Variants in GCNT3 observed in about 807,000 individuals in gnomAD.
GCNT3 encodes the protein glucosaminyl (N-acetyl) transferase 3, mucin type.
For synonymous variants in GCNT3, 269 were observed against 195.2 expected (o/e 1.38, Z -3.15); for missense variants, 708 against 530.3 (o/e 1.34, Z -3.29).
Position 59,612,725 on chromosome 15 carries a change from T to C in GCNT3, c.-251+744T>C, listed in dbSNP as rs572221007. 8.5e-5 allele frequency among the ~76,000 whole-genome samples: 13 copies of C among 152,278 alleles called. No homozygotes were observed. In the South Asian group the frequency reaches 2.7e-3, roughly 32 times the overall value. The stretch of plus-strand genomic sequence containing the variant: ...GGAAGCTGCTGGCCATCTTTCTGAA[T>C]GCTTGCCTGATCTCTGCAGGTTGCC... On this transcript the variant is annotated intron_variant, in intron 1 of 2. Coordinates refer to ENST00000396065, the MANE Select transcript of GCNT3 (RefSeq NM_004751.3).
In GCNT3 at chr15:59,618,477, C is replaced by T. The variant is rs377622973; in HGVS notation, c.239C>T (p.Ala80Val). The change falls in exon 3 of 3, where the codon GCA (alanine) becomes GTA (valine). Residue 80 changes from alanine to valine, a missense_variant. By Grantham distance (64) the Ala-to-Val change is moderately conservative. Coordinates refer to ENST00000396065, the MANE Select transcript of GCNT3 (RefSeq NM_004751.3). Reference sequence around the variant, plus strand: ...GGGGTCACCCGAGGGGACCAAGAGGCAGTGCTTCAGGCTATTCTGAATAAC... The same window carrying T: ...GGGGTCACCCGAGGGGACCAAGAGGTAGTGCTTCAGGCTATTCTGAATAAC... ...CSGVTRGDQE[A>V]VLQAILNNLE... 6.2e-7 allele frequency: 1 copy of T among 1,613,910 alleles called. No individual in the cohort carries two copies. Among genetic ancestry groups the T allele is most frequent in the Non-Finnish European group, 8.5e-7 (1 of 1,179,928 alleles).
rs1380360340 is a variant in GCNT3, at chr15:59,621,359, A to G, written c.*1804A>G. 6.6e-6 allele frequency: 1 copy of G among 152,044 alleles called. No individual in the cohort carries two copies. Among genetic ancestry groups the G allele is most frequent in the Non-Finnish European group, 1.5e-5 (1 of 68,010 alleles). The allele number at this position is 152,044 out of a possible 1,614,324, so 9.4% of individuals were successfully genotyped here. On this transcript the variant is annotated 3_prime_UTR_variant, in exon 3 of 3. Coordinates refer to ENST00000396065, the MANE Select transcript of GCNT3 (RefSeq NM_004751.3). Reference sequence around the variant, plus strand: ...CCTCCCAAGTGTTACCTAGTGAAACAGTTTCCTTTCCGAAGCTCCAGAGAT... The same window carrying G: ...CCTCCCAAGTGTTACCTAGTGAAACGGTTTCCTTTCCGAAGCTCCAGAGAT...
At chr15:59,612,609 C>A (rs574381726) in intron 1 of GCNT3, among the ~76,000 whole-genome samples, 2 of 152,140 alleles carry the variant, frequency 1.3e-5, no homozygotes, top group African/African-American at 4.8e-5. Context: ...TTGAAATGTG[C>A]CCGGGATCCC....
In GCNT3 at chr15:59,618,635, A is replaced by T; in HGVS notation, c.397A>T (p.Ile133Phe). Residue 133 changes from isoleucine (I) to phenylalanine (F), a missense_variant, in exon 3 of 3, where the codon ATT (isoleucine) becomes TTT (phenylalanine). By Grantham distance (21) the Ile-to-Phe change is conservative. Coordinates refer to ENST00000396065, the MANE Select transcript of GCNT3 (RefSeq NM_004751.3). ...GAGCAAAGAAGAGGTGGAGTTCCCT[A>T]TTGCATACTCTATGGTGATTCATGA... ...PLSKEEVEFPIAYSMVIHEKI... is the reference protein window; with the variant it reads ...PLSKEEVEFPFAYSMVIHEKI... 6.2e-7 allele frequency: 1 copy of T among 1,614,134 alleles called. No homozygotes were observed. Among genetic ancestry groups the T allele is most frequent in the Non-Finnish European group, 8.5e-7 (1 of 1,180,012 alleles).
Position 59,618,203 on chromosome 15 carries a change from T to G in GCNT3, c.-36T>G. 1 of 1,198,388 alleles carries G rather than the reference T, an allele frequency of 8.3e-7. No homozygotes were observed. Among genetic ancestry groups the G allele is most frequent in the East Asian group, 2.3e-5 (1 of 42,684 alleles). 74.2% of individuals were successfully genotyped at this position (1,198,388 alleles called of 1,614,324 possible). A position where few individuals can be genotyped will look rare whatever the true frequency, so the allele number is the denominator to read the frequency against. ...GGATTGTGTCCTCCTCCACCTTCCCTGTGCTCGGTCTCCACCTGTCTCCCA... is the reference window on the plus strand; with the variant it reads ...GGATTGTGTCCTCCTCCACCTTCCCGGTGCTCGGTCTCCACCTGTCTCCCA... On this transcript the variant is annotated 5_prime_UTR_variant, in exon 3 of 3. Transcript: ENST00000396065.
At position 59,618,742 on chromosome 15, in the gene GCNT3, C is replaced by A; in HGVS notation, c.504C>A (p.Ser168=). 1 of 1,614,052 alleles carries A rather than the reference C, an allele frequency of 6.2e-7. No homozygotes were observed. The highest frequency in any genetic ancestry group is 1.1e-5 in the South Asian group (1 of 91,082). The change falls in exon 3 of 3, where the codon TCC becomes TCA. Residue 168 remains serine (S), a synonymous_variant. Coordinates refer to ENST00000396065, the MANE Select transcript of GCNT3 (RefSeq NM_004751.3). ...ACTGTGTCCATGTGGATGAGAAGTC[C>A]CCAGAAACTTTCAAAGAGGCGGTCA... ...NIYCVHVDEK[S]PETFKEAVKA...
rs147420014 is a variant in GCNT3 at position 59,619,039 on chromosome 15, T to A, written c.801T>A (p.Tyr267Ter). 7.4e-6 allele frequency: 12 copies of A among 1,614,140 alleles called. No individual in the cohort carries two copies. Among genetic ancestry groups the A allele is most frequent in the Non-Finnish European group, 1.0e-5 (12 of 1,180,016 alleles). The change falls in exon 3 of 3, where the codon TAT (tyrosine) becomes TAA (stop). Residue 267 changes from tyrosine to a stop codon, truncating the protein, a stop_gained. Transcript: ENST00000396065. LOFTEE classifies it low-confidence loss of function (END_TRUNC). ...PPKHKETRWKYHFEVVRDTLH... is the reference protein window; with the variant it reads ...PPKHKETRWK ...AGCACAAAGAAACCCGCTGGAAATA[T>A]CACTTTGAGGTAGTGAGAGACACAT... is the stretch of plus-strand genomic sequence containing the variant.
At chr15:59,618,097 T>C in intron 2 of GCNT3, 82 bp from the exon 3 acceptor site, 4 of 575,978 alleles carry the variant, frequency 6.9e-6, no homozygotes, top group Middle Eastern at 4.8e-4. Flanking sequence ...GTAAGAAATA[T>C]TTTTTGCCAT....
chr15:59,621,145 A>G lies in GCNT3; in HGVS notation c.*1590A>G, dbSNP rs1250225402. 6.6e-6 allele frequency: 1 copy of G among 151,858 alleles called. No homozygotes were observed. Among genetic ancestry groups the G allele is most frequent in the African/African-American group, 2.4e-5 (1 of 41,316 alleles). 9.4% of individuals were successfully genotyped at this position (151,858 alleles called of 1,614,324 possible). On this transcript the variant is annotated 3_prime_UTR_variant, in exon 3 of 3. Transcript: ENST00000396065. ...AGTGATCCACCTGCCCCAGCCTCCCAAAGTGCTGGGATTACAGGTGTGAGC... is the reference window on the plus strand; with the variant it reads ...AGTGATCCACCTGCCCCAGCCTCCCGAAGTGCTGGGATTACAGGTGTGAGC...
In GCNT3 at chr15:59,620,693, G is replaced by T. The variant is rs1356860423; in HGVS notation, c.*1138G>T. The T allele has an allele frequency of 1.2e-5, 2 of 166,882 alleles. No individual in the cohort carries two copies. Among genetic ancestry groups the T allele is most frequent in the Non-Finnish European group, 2.9e-5 (2 of 68,078 alleles). The allele number at this position is 166,882 out of a possible 1,614,324, so 10.3% of individuals were successfully genotyped here. On this transcript the variant is annotated 3_prime_UTR_variant, in exon 3 of 3. Transcript: ENST00000396065. ...AAAGCTTAGCTAATGTTCCATAAAG[G>T]AGATAATAGCCAATCAGGTAAGGTA...
rs2082738167 is a variant in GCNT3 at position 59,619,647 on chromosome 15, C to G, written c.*92C>G. 1 of 799,736 alleles carries G rather than the reference C, an allele frequency of 1.3e-6. No individual in the cohort carries two copies. The highest frequency in any genetic ancestry group is 1.7e-5 in the African/African-American group (1 of 58,190). The allele number at this position is 799,736 out of a possible 1,614,324, so 49.5% of individuals were successfully genotyped here. ...GGACAGTGTGGGTGGGAGACCAGGG[C>G]TTTGCAATTCGTGGCATCCTTTAGG... On this transcript the variant is annotated 3_prime_UTR_variant, in exon 3 of 3. Coordinates refer to ENST00000396065, the MANE Select transcript of GCNT3 (RefSeq NM_004751.3).
At chr15:59,615,349 C>T (rs1180563171) in intron 1 of GCNT3, 1 of 152,190 alleles carries the variant, frequency 6.6e-6, no homozygotes, top group African/African-American at 2.4e-5. Context: ...AGAGGGCCCT[C>T]CTGTGAGCTC....
rs1348335136 is a variant in GCNT3, at chr15:59,620,651, T to C, written c.*1096T>C. On this transcript the variant is annotated 3_prime_UTR_variant, in exon 3 of 3. Transcript: ENST00000396065. ...GAAAATCGCAGCACTAATTCTAATT[T>C]TGTCCACTTTACAGCCAAAGCTTAG... The C allele has an allele frequency of 6.0e-6, 1 of 167,064 alleles. No individual in the cohort carries two copies. The highest frequency in any genetic ancestry group is 6.5e-5 in the Admixed American group (1 of 15,280). The allele number at this position is 167,064 out of a possible 1,614,324, so 10.3% of individuals were successfully genotyped here.
chr15:59,613,730 GACA>G (rs1285043221), intron 1 of GCNT3, among the ~76,000 whole-genome samples: 3 of 151,836 alleles, frequency 2.0e-5, no homozygotes, highest in Non-Finnish European at 2.9e-5. Flanking sequence ...TGTCTCAAAT[GACA>G]ACAACAAAAA....
intron 2 of GCNT3, among the ~76,000 whole-genome samples, chr15:59,617,757 G>A (rs1486015030): frequency 4.6e-5 from 7 of 152,156 alleles, no homozygotes; most frequent in African/African-American, 1.7e-4. Context: ...AGGACCTTTA[G>A]GTTTCTAGAA....
At chr15:59,617,283 TC>T (rs1481828982) in intron 2 of GCNT3, among the ~76,000 whole-genome samples, 19 of 151,920 alleles carry the variant, frequency 1.3e-4, no homozygotes, top group African/African-American at 4.4e-4. Flanking sequence ...GTATTGTATT[TC>T]AAAGGTAGCT....
Position 59,612,672 on chromosome 15 carries a change from C to A in GCNT3, c.-251+691C>A, listed in dbSNP as rs115142736. On this transcript the variant is annotated intron_variant, in intron 1 of 2. Coordinates refer to ENST00000396065, the MANE Select transcript of GCNT3 (RefSeq NM_004751.3). ...CCTCTTGCCAAGTGTCCTGTATGTT[C>A]TTCAGGGCTAGCATGGAATTAAGGT... Among the ~76,000 whole-genome samples, 1,008 of 152,262 alleles carry A rather than the reference C, an allele frequency of 6.6e-3. 10 individuals are homozygous for A. Among genetic ancestry groups the A allele is most frequent in the African/African-American group, 0.024 (978 of 41,550 alleles).
chr15:59,613,573 T>TAAATAAATAAATAA (rs1491405245), intron 1 of GCNT3, among the ~76,000 whole-genome samples: 1 of 132,346 alleles, frequency 7.6e-6, no homozygotes, highest in African/African-American at 2.9e-5. Flanking sequence ...AATAAATAAA[T>TAAATAAATAAATAA]AAATAAAAAT....
At chr15:59,613,835 G>T (rs1012144365) in intron 1 of GCNT3, among the ~76,000 whole-genome samples, 1 of 151,430 alleles carries the variant, frequency 6.6e-6, no homozygotes, top group Non-Finnish European at 1.5e-5. Flanking sequence ...CAGTGAAACC[G>T]CATCTCTACA....
Sources: allele counts gnomAD v4.1 joint callset (sites outside exome capture counted in the v4.1 genomes callset), GRCh38; gene constraint gnomAD v4.1.1; transcripts MANE v1.5; gene names NCBI Gene and HGNC (gene_info 2026-07-23, HGNC 2026-07-21).